The following PLCB1 variants were observed in gnomAD, a reference collection of about 807,000 sequenced individuals.
The protein encoded by PLCB1 is phospholipase C beta 1.
In PLCB1, 46 loss-of-function variants were observed where a neutral mutation model predicts 161.8. The observed-to-expected ratio is 0.28, with a 90% CI of 0.22 to 0.36. PLCB1 has a LOEUF of 0.36. PLCB1 is among the 10% of genes least tolerant of loss of function. The probability of loss-of-function intolerance (pLI) is 1.00; values close to 1 mark genes in which losing one functional copy is unlikely to be tolerated. For synonymous variants in PLCB1, 517 were observed against 503.7 expected, an observed-to-expected ratio of 1.03 and a Z score of -0.35; for missense variants, 1,016 against 1,472.5, an observed-to-expected ratio of 0.69 and a Z score of 5.07.
At chr20:8,448,137 C>T (rs1183061054) in intron 3 of PLCB1, among the ~76,000 whole-genome samples, 2 of 152,196 alleles carry the variant, frequency 1.3e-5, no homozygotes, top group African/African-American at 2.4e-5. Flanking sequence ...GTTGAGTAGG[C>T]GCTTACTAGC....
chr20:8,876,419 G>A (rs980850029), intron 31 of PLCB1, among the ~76,000 whole-genome samples: 7 of 152,168 alleles, frequency 4.6e-5, no homozygotes, highest in African/African-American at 1.7e-4. Context: ...TATCTGTCCT[G>A]TGGTGATTTT....
intron 3 of PLCB1, among the ~76,000 whole-genome samples, chr20:8,455,477 G>A (rs1229301371): frequency 1.9e-5 from 2 of 107,946 alleles, no homozygotes; most frequent in Non-Finnish European, 3.4e-5. Flanking sequence ...GTCTCGCTCT[G>A]TCACCCAGGC....
At chr20:8,609,785 A>G in intron 3 of PLCB1, among the ~76,000 whole-genome samples, 1 of 151,988 alleles carries the variant, frequency 6.6e-6, no homozygotes, top group East Asian at 1.9e-4. Flanking sequence ...GTGGTCAGCC[A>G]CCTACAGGTG....
intron 3 of PLCB1, among the ~76,000 whole-genome samples, chr20:8,480,424 G>A (rs1354257058): frequency 5.3e-5 from 8 of 152,162 alleles, no homozygotes; most frequent in Admixed American, 4.6e-4. Context: ...GGAGAAGTGG[G>A]AAGGAGATGT....
chr20:8,847,390 G>A, intron 31 of PLCB1, among the ~76,000 whole-genome samples: 1 of 152,094 alleles, frequency 6.6e-6, no homozygotes, highest in East Asian at 1.9e-4. Flanking sequence ...CAAACACCCA[G>A]CCCTTGGTCA....
chr20:8,406,034 C>T (rs1215937369), intron 3 of PLCB1, among the ~76,000 whole-genome samples: 2 of 150,850 alleles, frequency 1.3e-5, no homozygotes, highest in Non-Finnish European at 2.9e-5. Context: ...TTGATAGCTG[C>T]TTGTTAACAT....
At position 8,173,836 on chromosome 20, in the gene PLCB1, T is replaced by C. The variant is rs55804484; in HGVS notation, c.177+23465T>C. Among the ~76,000 whole-genome samples the C allele has an allele frequency of 6.8e-3, 1,035 of 151,856 alleles. 16 individuals are homozygous for C. Among genetic ancestry groups the C allele is most frequent in the African/African-American group, 0.022 (928 of 41,394 alleles). On this transcript the variant is annotated intron_variant, in intron 2 of 31. Transcript: ENST00000338037. ...ACATGTAAAGGATAAAACTGAAAAA[T>C]ACAATGGCCAAAATAAAAGAACACA...
At chr20:8,591,055 T>C (rs944846440) in intron 3 of PLCB1, among the ~76,000 whole-genome samples, 5 of 152,166 alleles carry the variant, frequency 3.3e-5, no homozygotes, top group African/African-American at 9.6e-5. Flanking sequence ...CTCCCACTTA[T>C]AAGCGAGAAC....
rs564170460 is a variant in PLCB1, at chr20:8,193,375, A to G, written c.177+43004A>G. ...ACTGGTCAAATAAACCCTGCCAGCC[A>G]TAGAATACTATGCAGCTGTAAAAGA... is the stretch of plus-strand genomic sequence containing the variant. On this transcript the variant is annotated intron_variant, in intron 2 of 31. Transcript: ENST00000338037. Among the ~76,000 whole-genome samples the G allele has an allele frequency of 4.6e-5, 7 of 152,130 alleles. No individual in the cohort carries two copies. The South Asian group carries it at 6.2e-4, about 14-fold the overall frequency.
chr20:8,802,211 G>A (rs1216349345), intron 31 of PLCB1: 3 of 1,065,602 alleles, frequency 2.8e-6, no homozygotes, highest in South Asian at 1.3e-5. Flanking sequence ...TGAGAGAAGG[G>A]TGGTGTGTAG....
intron 31 of PLCB1, among the ~76,000 whole-genome samples, chr20:8,845,601 G>A (rs192269598): frequency 6.8e-4 from 103 of 152,216 alleles, no homozygotes; most frequent in Non-Finnish European, 1.2e-3. Context: ...CTATTGGGTC[G>A]GGCTGCCTTA....
chr20:8,849,684 AAAATT>A lies in PLCB1; in HGVS notation c.3424-31929_3424-31925del, dbSNP rs1181626808. Among the ~76,000 whole-genome samples the A allele has an allele frequency of 2.1e-3, 306 of 147,378 alleles. 1 individual carries two copies. Among genetic ancestry groups the A allele is most frequent in the African/African-American group, 7.0e-3 (284 of 40,476 alleles). ...GAACAAGACTCCATCTCAATAAAATAAAATTAAATTAAAAATTAAAAGAAAATATA... is the reference window on the plus strand; with the variant it reads ...GAACAAGACTCCATCTCAATAAAATAAAATTAAAAATTAAAAGAAAATATA... On this transcript the variant is annotated intron_variant, in intron 31 of 31. Coordinates refer to ENST00000338037, the MANE Select transcript of PLCB1 (RefSeq NM_015192.4).
At chr20:8,548,978 A>T (rs1473606703) in intron 3 of PLCB1, among the ~76,000 whole-genome samples, 1 of 152,176 alleles carries the variant, frequency 6.6e-6, no homozygotes, top group East Asian at 1.9e-4. Flanking sequence ...CAATCCCTGA[A>T]GACTGAAAGA....
chr20:8,495,019 T>C (rs1983102477), intron 3 of PLCB1, among the ~76,000 whole-genome samples: 1 of 152,086 alleles, frequency 6.6e-6, no homozygotes. Context: ...CTGAGACTCC[T>C]TTCTTCCAAC....
intron 3 of PLCB1, among the ~76,000 whole-genome samples, chr20:8,396,180 A>C (rs1459448340): frequency 1.3e-5 from 2 of 152,122 alleles, no homozygotes; most frequent in Non-Finnish European, 2.9e-5. Context: ...TATATCTAAA[A>C]CCATATAACT....
intron 3 of PLCB1, among the ~76,000 whole-genome samples, chr20:8,582,330 A>T (rs1986858980): frequency 6.6e-6 from 1 of 152,108 alleles, no homozygotes; most frequent in Non-Finnish European, 1.5e-5. Flanking sequence ...AATACCTGGG[A>T]GGTAACGCCC....
chr20:8,487,089 T>A (rs1982762030), intron 3 of PLCB1, among the ~76,000 whole-genome samples: 2 of 152,236 alleles, frequency 1.3e-5, no homozygotes, highest in Non-Finnish European at 2.9e-5. Flanking sequence ...CTTTTTGTAT[T>A]ACAAAATGTA....
intron 31 of PLCB1, among the ~76,000 whole-genome samples, chr20:8,846,341 A>G (rs1344272359): frequency 1.3e-5 from 2 of 150,818 alleles, no homozygotes; most frequent in Non-Finnish European, 2.9e-5. Flanking sequence ...GGGGATTACA[A>G]TTCAACATGA....
chr20:8,323,921 A>T (rs1985027485), intron 2 of PLCB1, among the ~76,000 whole-genome samples: 1 of 152,100 alleles, frequency 6.6e-6, no homozygotes, highest in Non-Finnish European at 1.5e-5. Context: ...TGATGCTTTT[A>T]CTAATTTTTA....
Sources: allele counts gnomAD v4.1 joint callset (sites outside exome capture counted in the v4.1 genomes callset), GRCh38; gene constraint gnomAD v4.1.1; transcripts MANE v1.5; gene names NCBI Gene and HGNC (gene_info 2026-07-23, HGNC 2026-07-21).